The following BLTP1 variants were observed in gnomAD, a reference collection of about 807,000 sequenced individuals.
BLTP1 encodes the protein bridge-like lipid transfer protein family member 1, also known as fragile site-associated protein.
At chr4:122,227,936 CAG>C in the BLTP1 span, among the ~76,000 whole-genome samples, 6 of 140,822 alleles carry the variant, frequency 4.3e-5, no homozygotes, top group East Asian at 6.6e-4. Flanking sequence ...TTTTTTGAGA[CAG>C]AGTCTTGCTC....
chr4:122,228,837 G>C, the BLTP1 span, among the ~76,000 whole-genome samples: 2 of 152,058 alleles, frequency 1.3e-5, no homozygotes, highest in African/African-American at 2.4e-5. Flanking sequence ...ATCCTCTCTA[G>C]TTTCAGTAAG....
At chr4:122,171,793 C>G in the BLTP1 span, 1 of 983,450 alleles carries the variant, frequency 1.0e-6, no homozygotes, top group Non-Finnish European at 1.2e-6. Context: ...CACCTCCTTT[C>G]TTTAAGAAAA....
At chr4:122,270,907 T>G in the BLTP1 span, 2 of 1,379,444 alleles carry the variant, frequency 1.4e-6, no homozygotes, top group Non-Finnish European at 9.6e-7. Flanking sequence ...TTAAAATTAT[T>G]TAAGACTCAT....
the BLTP1 span, chr4:122,224,728 T>C: frequency 6.2e-7 from 1 of 1,613,076 alleles, no homozygotes; most frequent in East Asian, 2.2e-5. Flanking sequence ...TTCCTTTCTC[T>C]ACCCACCTTC....
the BLTP1 span, chr4:122,202,008 TTTG>T: frequency 1.5e-5 from 6 of 395,128 alleles, no homozygotes; most frequent in Non-Finnish European, 1.7e-5. Context: ...AGTTTCCTTG[TTTG>T]TGAAATAGGG....
the BLTP1 span, chr4:122,359,338 G>T: frequency 1.6e-5 from 16 of 971,030 alleles, no homozygotes; most frequent in Admixed American, 9.9e-4. Context: ...TCAAGTCAAT[G>T]ATCTCAGCAT....
the BLTP1 span, chr4:122,238,395 A>G: frequency 5.3e-6 from 8 of 1,512,092 alleles, no homozygotes; most frequent in East Asian, 1.8e-4. Flanking sequence ...AAATAGGATT[A>G]TAATTGTTTA....
At chr4:122,171,519 T>C in the BLTP1 span, among the ~76,000 whole-genome samples, 2 of 152,266 alleles carry the variant, frequency 1.3e-5, no homozygotes, top group Admixed American at 6.5e-5. Flanking sequence ...AGGTTGTACA[T>C]ATGTTGTCTC....
At chr4:122,176,809 G>A in the BLTP1 span, among the ~76,000 whole-genome samples, 2 of 152,108 alleles carry the variant, frequency 1.3e-5, no homozygotes, top group African/African-American at 4.8e-5. Flanking sequence ...GTTCCCTCCT[G>A]TTTCCTCAGA....
chr4:122,210,905 C>G, the BLTP1 span: 1 of 1,612,392 alleles, frequency 6.2e-7, no homozygotes, highest in Non-Finnish European at 8.5e-7. Flanking sequence ...ATGGAAGAGA[C>G]AATGCTATCT....
At chr4:122,156,499 G>C in the BLTP1 span, among the ~76,000 whole-genome samples, 4 of 152,306 alleles carry the variant, frequency 2.6e-5, no homozygotes, top group South Asian at 8.3e-4. Context: ...GACAACTAAA[G>C]TATCCATTGG....
chr4:122,176,094 G>A, the BLTP1 span, among the ~76,000 whole-genome samples: 1 of 151,998 alleles, frequency 6.6e-6, no homozygotes, highest in Non-Finnish European at 1.5e-5. Flanking sequence ...CTGAGGTCAG[G>A]AATTTGAGAC....
chr4:122,241,579 G>A, the BLTP1 span, among the ~76,000 whole-genome samples: 1 of 152,142 alleles, frequency 6.6e-6, no homozygotes, highest in African/African-American at 2.4e-5. Flanking sequence ...GTAATGATGG[G>A]ACATGATACA....
the BLTP1 span, among the ~76,000 whole-genome samples, chr4:122,216,275 G>T: frequency 6.6e-6 from 1 of 151,932 alleles, no homozygotes; most frequent in Non-Finnish European, 1.5e-5. Flanking sequence ...CTTTTCTTTT[G>T]GGTAAATACC....
the BLTP1 span, among the ~76,000 whole-genome samples, chr4:122,294,616 A>G: frequency 6.6e-6 from 1 of 152,206 alleles, no homozygotes; most frequent in Non-Finnish European, 1.5e-5. Context: ...GAGGTCAGCA[A>G]ACTCAAAGAT....
chr4:122,333,582 T>A, the BLTP1 span: 1 of 1,532,548 alleles, frequency 6.5e-7, no homozygotes, highest in Non-Finnish European at 8.7e-7. Context: ...AACAAAAAGA[T>A]AAATGTGTCA....
the BLTP1 span, chr4:122,246,523 A>G: frequency 1.6e-6 from 1 of 641,234 alleles, no homozygotes; most frequent in Admixed American, 6.3e-5. Flanking sequence ...TAAAAATTTA[A>G]TTATGATTAT....
the BLTP1 span, among the ~76,000 whole-genome samples, chr4:122,297,079 TTAAAC>T: frequency 1.3e-5 from 2 of 152,164 alleles, no homozygotes; most frequent in Non-Finnish European, 2.9e-5. Flanking sequence ...TGGGATCTAA[TTAAAC>T]TAAAGAGCTG....
At chr4:122,312,814 G>C in the BLTP1 span, 3 of 796,974 alleles carry the variant, frequency 3.8e-6, no homozygotes, top group Non-Finnish European at 4.6e-6. Flanking sequence ...TCAAATTTAA[G>C]TAACATTTGA....
Sources: allele counts gnomAD v4.1 joint callset (sites outside exome capture counted in the v4.1 genomes callset), GRCh38; gene constraint gnomAD v4.1.1; transcripts MANE v1.5; gene names NCBI Gene and HGNC (gene_info 2026-07-23, HGNC 2026-07-21).